VRTN: variants seen among roughly 807,000 people sequenced by gnomAD.
VRTN encodes the protein vertnin.
Under a neutral mutation model 18.2 loss-of-function variants are expected in VRTN, and 5 were observed. The observed-to-expected ratio is 0.27, with a 90% CI of 0.14 to 0.58. The LOEUF is 0.58. Among genes scored for constraint, VRTN ranks in the 20% least tolerant of loss-of-function variants. The pLI is 0.91. For missense variants in VRTN, 741 were observed against 939.4 expected (o/e 0.79, Z 2.76); for synonymous variants, 381 against 393.7 (o/e 0.97, Z 0.38).
chr14:74,319,321 C>T (rs56233964), intron 1 of VRTN, among the ~76,000 whole-genome samples: 4,661 of 152,210 alleles, frequency 0.031, 116 homozygotes, highest in African/African-American at 0.065. Context: ...GGCATGAGCC[C>T]GGCCCGCGCC....
At chr14:74,341,237 C>T (rs2085603812) in intron 2 of VRTN, among the ~76,000 whole-genome samples, 1 of 152,116 alleles carries the variant, frequency 6.6e-6, no homozygotes, top group Non-Finnish European at 1.5e-5. Context: ...CTCACAGCAA[C>T]CTCTCTGGGG....
Position 74,319,485 on chromosome 14 carries a change from C to T in VRTN, c.-164+16309C>T, listed in dbSNP as rs928891462. Among the ~76,000 whole-genome samples, 5 of 152,312 alleles carry T rather than the reference C, an allele frequency of 3.3e-5. No homozygotes were observed. The East Asian group carries it at 5.8e-4, about 18-fold the overall frequency. ...CTACCAACTGAGCTATCAAAGACCC[C>T]GCTTCAAGTGCAACTTTAAGGCTTT... On this transcript the variant is annotated intron_variant, in intron 1 of 2. Coordinates refer to the VRTN transcript ENST00000557177.
chr14:74,328,141 T>C (rs983287961), intron 1 of VRTN, among the ~76,000 whole-genome samples: 1 of 152,164 alleles, frequency 6.6e-6, no homozygotes, highest in African/African-American at 2.4e-5. Context: ...CTTCCTGAAG[T>C]ACCTCCAACT....
chr14:74,337,662 T>C (rs1024803686), intron 1 of VRTN: 7 of 152,226 alleles, frequency 4.6e-5, no homozygotes, highest in African/African-American at 1.4e-4. Flanking sequence ...TGGGTACCTG[T>C]GCCTGTTTTC....
chr14:74,357,428 C>G lies in VRTN; in HGVS notation c.645C>G (p.Pro215=). Residue 215 remains proline (P), a synonymous_variant, in exon 2 of 2, where the codon CCC becomes CCG. Transcript: ENST00000256362. This position sits in a 1 kb window ranked among gnomAD's most constrained non-coding sequence, Gnocchi z 7.8. ...VIRPRRCDHV[P]STLHIMWAGQ... The stretch of plus-strand genomic sequence containing the variant: ...GGCCCCGCCGCTGCGACCACGTGCC[C>G]TCCACGCTGCACATCATGTGGGCTG... 6.2e-7 allele frequency: 1 copy of G among 1,612,580 alleles called. No individual in the cohort carries two copies. Among genetic ancestry groups the G allele is most frequent in the African/African-American group, 1.3e-5 (1 of 75,058 alleles).
rs117145547 is a variant in VRTN, at chr14:74,314,345, G to A, written c.-164+11169G>A. Among the ~76,000 whole-genome samples, 3 of 151,256 alleles carry A rather than the reference G, an allele frequency of 2.0e-5. 1 individual carries two copies. Among genetic ancestry groups the A allele is most frequent in the South Asian group, 4.2e-4 (2 of 4,794 alleles). ...TCAAAATTGTGTAATTGTATGTGAC[G>A]TGGGAGCCTTCAGAAATGAGGACCA... On this transcript the variant is annotated intron_variant, in intron 1 of 2. Transcript: ENST00000557177.
At chr14:74,308,117 A>T (rs538328052) in intron 1 of VRTN, among the ~76,000 whole-genome samples, 4 of 152,152 alleles carry the variant, frequency 2.6e-5, no homozygotes, top group East Asian at 1.9e-4. Flanking sequence ...CTAGGTTTTT[A>T]AAAAATTCAC....
chr14:74,344,244 T>TAAAAAAAAAAAAAA (rs2085627088), upstream of VRTN, among the ~76,000 whole-genome samples: 2 of 2,474 alleles, frequency 8.1e-4, no homozygotes, highest in Non-Finnish European at 2.7e-3. Flanking sequence ...CTCTGCTTTC[T>TAAAAAAAAAAAAAA]ACAAAAAAAA....
At chr14:74,324,093 A>C (rs1266593133) in intron 1 of VRTN, among the ~76,000 whole-genome samples, 1 of 152,124 alleles carries the variant, frequency 6.6e-6, no homozygotes, top group African/African-American at 2.4e-5. Context: ...GTGCCCAGTA[A>C]ATAAGCTATA....
At chr14:74,314,965 T>C (rs2085410797) in intron 1 of VRTN, among the ~76,000 whole-genome samples, 1 of 152,126 alleles carries the variant, frequency 6.6e-6, no homozygotes, top group African/African-American at 2.4e-5. Flanking sequence ...CACAGAAGGA[T>C]GGAGGAAGGT....
rs997257349 is a variant in VRTN at position 74,316,982 on chromosome 14, A to C, written c.-164+13806A>C. On this transcript the variant is annotated intron_variant, in intron 1 of 2. Coordinates refer to the VRTN transcript ENST00000557177. ...TTCAAGGAAGAGCAAAGAAGCCAGC[A>C]TGGCCAGAGTGCAATGAACAAGGGG... 2.6e-5 allele frequency among the ~76,000 whole-genome samples: 4 copies of C among 152,260 alleles called. No homozygotes were observed. The South Asian group carries it at 6.2e-4, about 24-fold the overall frequency.
At chr14:74,346,824 T>C (rs150657841), upstream of VRTN, among the ~76,000 whole-genome samples, 3 of 152,352 alleles carry the variant, frequency 2.0e-5, no homozygotes, top group East Asian at 5.8e-4. Flanking sequence ...TTCACTACTT[T>C]CTTTTTAAAA....
At chr14:74,306,172 ATTTTTTTTT>A (rs869043692) in intron 1 of VRTN, 10 of 75,646 alleles carry the variant, frequency 1.3e-4, no homozygotes, top group African/African-American at 4.8e-4. Flanking sequence ...ATATATATAT[ATTTTTTTTT>A]TTTTTTTGAG....
At chr14:74,306,566 T>C (rs2140189761) in intron 1 of VRTN, 1 of 151,812 alleles carries the variant, frequency 6.6e-6, no homozygotes. Context: ...TGTTCTAGTG[T>C]AGTTGGTTTG....
chr14:74,358,948 G>C lies in VRTN; in HGVS notation c.*56G>C. 6.5e-7 allele frequency: 1 copy of C among 1,534,118 alleles called. No individual in the cohort carries two copies. The highest frequency in any genetic ancestry group is 1.3e-5 in the South Asian group (1 of 78,214). On this transcript the variant is annotated 3_prime_UTR_variant, in exon 2 of 2. Transcript: ENST00000256362. The surrounding 1 kb of genome is among the most constrained non-coding windows in gnomAD (Gnocchi z 5.4). Reference sequence around the variant, plus strand: ...GGGGACCAGTTTGGAGAGGGTCAGGGACCTGAGCTGACCCCAGGCTTGGCC... The same window carrying C: ...GGGGACCAGTTTGGAGAGGGTCAGGCACCTGAGCTGACCCCAGGCTTGGCC...
chr14:74,329,275 CA>C lies in VRTN; in HGVS notation c.-163-8434del, dbSNP rs57850959. ...GGGCGACAAGAGCAAAACTCCATCTCAAAAAAAAAAAAAAGAAACAGGGTCT... is the reference window on the plus strand; with the variant it reads ...GGGCGACAAGAGCAAAACTCCATCTCAAAAAAAAAAAAAGAAACAGGGTCT... On this transcript the variant is annotated intron_variant, in intron 1 of 2. Coordinates refer to the VRTN transcript ENST00000557177. Among the ~76,000 whole-genome samples the C allele has an allele frequency of 9.3e-3, 1,220 of 130,578 alleles. 9 individuals carry two copies. The highest frequency in any genetic ancestry group is 0.022 in the African/African-American group (807 of 36,564). 85.7% of individuals were successfully genotyped at this position (130,578 alleles called of 152,430 possible).
At chr14:74,337,233 T>C (rs919500260) in intron 1 of VRTN, among the ~76,000 whole-genome samples, 1 of 151,754 alleles carries the variant, frequency 6.6e-6, no homozygotes, top group Non-Finnish European at 1.5e-5. Context: ...GTCCCAGCTA[T>C]TCGGGAAGCT....
At position 74,328,948 on chromosome 14, in the gene VRTN, A is replaced by G. The variant is rs1241919889; in HGVS notation, c.-163-8775A>G. Reference sequence around the variant, plus strand: ...TCAGGGGTTTGAGACCAGACTGGCTATATAGTGAAACCCTGTCTCTATTAA... The same window carrying G: ...TCAGGGGTTTGAGACCAGACTGGCTGTATAGTGAAACCCTGTCTCTATTAA... On this transcript the variant is annotated intron_variant, in intron 1 of 2. Coordinates refer to the VRTN transcript ENST00000557177. Among the ~76,000 whole-genome samples, 4 of 152,288 alleles carry G rather than the reference A, an allele frequency of 2.6e-5. No individual in the cohort carries two copies. The East Asian group carries it at 7.7e-4, about 29-fold the overall frequency.
intron 1 of VRTN, 34 bp from the exon 2 acceptor site, chr14:74,356,749 C>A: frequency 6.5e-7 from 1 of 1,540,848 alleles, no homozygotes; most frequent in East Asian, 2.3e-5. Flanking sequence ...GCACTTCGAC[C>A]TGACTACTGC....
Sources: gnomAD v4.1 joint callset for allele counts (sites outside exome capture counted in the v4.1 genomes callset) on GRCh38, gnomAD v4.1.1 for gene constraint, Gnocchi (gnomAD v3.1) non-coding constraint, MANE v1.5 for transcripts, NCBI Gene and HGNC (gene_info 2026-07-23, HGNC 2026-07-21) for gene names.